The following C9orf153 variants were observed in gnomAD, a reference collection of about 807,000 sequenced individuals.
C9orf153 encodes chromosome 9 open reading frame 153.
In C9orf153, 10 loss-of-function variants were observed where a neutral mutation model predicts 9.0. That is an observed-to-expected ratio of 1.11 (90% CI 0.69 to 1.89). The LOEUF (loss-of-function observed/expected upper bound fraction) is 1.89. Among genes scored for constraint, C9orf153 ranks in the 40% most tolerant of loss-of-function variants. C9orf153 has a pLI of 0.00. For missense variants in C9orf153, 108 were observed against 111.0 expected, an observed-to-expected ratio of 0.97 and a Z score of 0.12; for synonymous variants, 35 against 37.3, an observed-to-expected ratio of 0.94 and a Z score of 0.23.
At chr9:86,227,219 T>G (rs1824356419) in intron 3 of C9orf153, 26 of 1,138,200 alleles carry the variant, frequency 2.3e-5, no homozygotes, top group Non-Finnish European at 2.9e-5. Flanking sequence ...TGATCATAGT[T>G]CACTGCCACC....
intron 1 of C9orf153, among the ~76,000 whole-genome samples, chr9:86,237,832 A>T (rs1247487049): frequency 6.6e-6 from 1 of 152,148 alleles, no homozygotes; most frequent in Non-Finnish European, 1.5e-5. Flanking sequence ...TAATCCCAGT[A>T]CTTTAGGAGG....
chr9:86,227,479 T>C, intron 3 of C9orf153: 1 of 1,395,482 alleles, frequency 7.2e-7, no homozygotes, highest in Non-Finnish European at 9.3e-7. Flanking sequence ...CCATTTCTGC[T>C]CTAGTAAATT....
At chr9:86,224,099 A>G (rs1437025386) in intron 3 of C9orf153, among the ~76,000 whole-genome samples, 1 of 152,088 alleles carries the variant, frequency 6.6e-6, no homozygotes, top group Non-Finnish European at 1.5e-5. Context: ...AAAAAAATGT[A>G]AAATGGGCCA....
intron 1 of C9orf153, among the ~76,000 whole-genome samples, chr9:86,249,132 C>T (rs1222934063): frequency 6.6e-6 from 1 of 152,208 alleles, no homozygotes; most frequent in African/African-American, 2.4e-5. Context: ...TAGCCTCATT[C>T]TTTACTCCTT....
intron 1 of C9orf153, among the ~76,000 whole-genome samples, chr9:86,238,734 T>C (rs1182698490): frequency 6.6e-6 from 1 of 151,982 alleles, no homozygotes; most frequent in Non-Finnish European, 1.5e-5. Context: ...GTATAACAAA[T>C]GGCAGAGATG....
intron 1 of C9orf153, among the ~76,000 whole-genome samples, chr9:86,255,267 C>A (rs1482417586): frequency 6.6e-6 from 1 of 152,132 alleles, no homozygotes; most frequent in Non-Finnish European, 1.5e-5. Context: ...CAAAGTAGGA[C>A]TGACAGAAAT....
intron 1 of C9orf153, among the ~76,000 whole-genome samples, chr9:86,257,809 G>A (rs993195515): frequency 2.8e-4 from 42 of 152,170 alleles, no homozygotes; most frequent in African/African-American, 9.7e-4. Context: ...TCTTGGCCAG[G>A]AACAGATCAG....
intron 1 of C9orf153, among the ~76,000 whole-genome samples, chr9:86,243,390 T>C (rs539030249): frequency 2.2e-4 from 34 of 152,106 alleles, no homozygotes; most frequent in Admixed American, 1.0e-3. Context: ...TAATTTGAAA[T>C]ATATTTGGTC....
intron 3 of C9orf153, among the ~76,000 whole-genome samples, chr9:86,224,683 A>G (rs1033503361): frequency 6.6e-6 from 1 of 151,608 alleles, no homozygotes; most frequent in Non-Finnish European, 1.5e-5. Flanking sequence ...CATAAAAAGC[A>G]CTGGGAGGCT....
chr9:86,258,573 C>G (rs1825177495), intron 1 of C9orf153: 1 of 152,090 alleles, frequency 6.6e-6, no homozygotes, highest in Non-Finnish European at 1.5e-5. Flanking sequence ...ATCCACCTAG[C>G]CAGCCAGATC....
At chr9:86,228,851 G>A (rs778636636) in intron 2 of C9orf153, 22 of 207,976 alleles carry the variant, frequency 1.1e-4, no homozygotes, top group Middle Eastern at 5.2e-4. Flanking sequence ...GACTTTGGAC[G>A]TCTTCCAGAA....
At chr9:86,246,632 T>C (rs996406550) in intron 1 of C9orf153, among the ~76,000 whole-genome samples, 1 of 152,216 alleles carries the variant, frequency 6.6e-6, no homozygotes, top group Non-Finnish European at 1.5e-5. Context: ...CAACATCTAA[T>C]TGTCTTGAGC....
rs185856599 is a variant in C9orf153, at chr9:86,223,874, G to A, written c.243-2141C>T. On this transcript the variant is annotated intron_variant, in intron 3 of 3. Coordinates refer to ENST00000339137, the MANE Select transcript of C9orf153 (RefSeq NM_001276366.4). ...GTCCTTGGAGACATTTGAAAGCATCGCTCCACAGAGAGTGGAATCACGGTC... is the reference window on the plus strand; with the variant it reads ...GTCCTTGGAGACATTTGAAAGCATCACTCCACAGAGAGTGGAATCACGGTC... Among the ~76,000 whole-genome samples, 8 of 152,260 alleles carry A rather than the reference G, an allele frequency of 5.3e-5. No homozygotes were observed. In the East Asian group the frequency reaches 1.4e-3, roughly 26 times the overall value.
chr9:86,240,285 G>C (rs1824701371), intron 1 of C9orf153, among the ~76,000 whole-genome samples: 1 of 151,716 alleles, frequency 6.6e-6, no homozygotes. Flanking sequence ...TTTGACATGA[G>C]AACCCACAGT....
chr9:86,225,433 CCTTCCTTCCT>C (rs1563996700), intron 3 of C9orf153, among the ~76,000 whole-genome samples: 3,937 of 144,010 alleles, frequency 0.027, 190 homozygotes, highest in African/African-American at 0.098. Flanking sequence ...TTCCTTCCTT[CCTTCCTTCCT>C]TCCTCTCTTT....
chr9:86,237,042 A>G (rs4601415), intron 1 of C9orf153, among the ~76,000 whole-genome samples: 33,953 of 151,954 alleles, frequency 0.22, 4,873 homozygotes, highest in East Asian at 0.46. Flanking sequence ...GAGAACAAGA[A>G]GAAATAATTA....
chr9:86,246,956 C>T (rs184665334), intron 1 of C9orf153, among the ~76,000 whole-genome samples: 15 of 152,302 alleles, frequency 9.8e-5, no homozygotes, highest in South Asian at 4.2e-4. Flanking sequence ...AGGCAGGCTC[C>T]CAGGGGACTG....
At position 86,248,025 on chromosome 9, in the gene C9orf153, A is replaced by T. The variant is rs139734179; in HGVS notation, c.-27+11525T>A. On this transcript the variant is annotated intron_variant, in intron 1 of 3. Transcript: ENST00000339137. The stretch of plus-strand genomic sequence containing the variant: ...CTTTGTGGGAGGGTCCCTTGATGTG[A>T]TGAGTATGTTTAGGTTTTTCCTGAG... 8.7e-3 allele frequency among the ~76,000 whole-genome samples: 1,318 copies of T among 152,256 alleles called. 23 individuals are homozygous for T. The highest frequency in any genetic ancestry group is 0.049 in the East Asian group (252 of 5,178).
chr9:86,258,179 TAAC>T (rs1825165497), intron 1 of C9orf153, among the ~76,000 whole-genome samples: 1 of 151,882 alleles, frequency 6.6e-6, no homozygotes, highest in South Asian at 2.1e-4. Context: ...CTGTCTCTAC[TAAC>T]AATACAAAAA....
Sources: allele counts gnomAD v4.1 joint callset (sites outside exome capture counted in the v4.1 genomes callset), GRCh38; gene constraint gnomAD v4.1.1; transcripts MANE v1.5; gene names NCBI Gene and HGNC (gene_info 2026-07-23, HGNC 2026-07-21).